Variants in JADE3 observed in about 807,000 individuals in gnomAD.
JADE3 encodes the protein jade family PHD finger 3, also known as protein Jade-3.
In JADE3, 2 loss-of-function variants were observed where a neutral mutation model predicts 50.1. The ratio of observed to expected loss-of-function variants is 0.04; its 90% CI spans 0.02 to 0.13. The LOEUF is 0.13. Among genes scored for constraint, JADE3 ranks in the 10% least tolerant of loss-of-function variants. The pLI is 1.00. For synonymous variants in JADE3, 218 were observed against 232.9 expected (o/e 0.94, Z 0.58); for missense variants, 475 against 634.4 (o/e 0.75, Z 2.70).
chrX:47,050,836 C>T (rs973967280), intron 8 of JADE3, among the ~76,000 whole-genome samples: 4 of 111,899 alleles, frequency 3.6e-5, no homozygotes, highest in Non-Finnish European at 7.5e-5. Context: ...AGTTATTAAA[C>T]AGCAAAAGAG....
intron 1 of JADE3, among the ~76,000 whole-genome samples, chrX:46,943,666 A>C (rs990841616): frequency 2.2e-4 from 24 of 111,487 alleles, no homozygotes; most frequent in African/African-American, 7.8e-4. Context: ...ATTTTGGCCT[A>C]TAGTTTTCTT....
intron 1 of JADE3, among the ~76,000 whole-genome samples, chrX:46,957,596 C>T (rs782094930): frequency 1.3e-4 from 15 of 112,042 alleles, no homozygotes; most frequent in African/African-American, 4.9e-4. Context: ...TTCCCCTGGC[C>T]GGTAGAGATG....
intron 3 of JADE3, among the ~76,000 whole-genome samples, chrX:46,989,758 A>G (rs1177438780): frequency 9.0e-6 from 1 of 111,247 alleles, no homozygotes; most frequent in African/African-American, 3.3e-5. Context: ...AGTTTGGGAA[A>G]TTTTCAGCCA....
intron 1 of JADE3, among the ~76,000 whole-genome samples, chrX:46,969,837 A>G (rs1375836478): frequency 8.9e-6 from 1 of 112,168 alleles, no homozygotes; most frequent in Admixed American, 9.4e-5. Flanking sequence ...CTCAAAAAGA[A>G]AAACTTGTGG....
intron 8 of JADE3, among the ~76,000 whole-genome samples, chrX:47,048,356 A>G (rs2146987414): frequency 8.9e-6 from 1 of 112,031 alleles, no homozygotes; most frequent in Admixed American, 9.5e-5. Context: ...ACAATACCCA[A>G]GAGAAACAAA....
rs185689322 is a variant in JADE3 at position 46,932,756 on chromosome X, C to A, written c.-12+20037C>A. ...GTCTTCACAGGAATAATTTTGGATACCTCTGCAGGTACTCAAGAACACTGC... is the reference window on the plus strand; with the variant it reads ...GTCTTCACAGGAATAATTTTGGATAACTCTGCAGGTACTCAAGAACACTGC... On this transcript the variant is annotated intron_variant, in intron 1 of 10. Transcript: ENST00000614628. Among the ~76,000 whole-genome samples the A allele has an allele frequency of 4.2e-3, 470 of 111,503 alleles. 3 individuals carry two copies. The highest frequency in any genetic ancestry group is 7.1e-3 in the Non-Finnish European group (375 of 53,111).
chrX:47,011,376 T>A (rs1928561326), intron 4 of JADE3, among the ~76,000 whole-genome samples: 1 of 112,564 alleles, frequency 8.9e-6, no homozygotes, highest in African/African-American at 3.2e-5. Flanking sequence ...ATTTTGTTAA[T>A]CCTTTCAGCA....
At position 46,933,119 on chromosome X, in the gene JADE3, G is replaced by A. The variant is rs143389128; in HGVS notation, c.-12+20400G>A. Among the ~76,000 whole-genome samples the A allele has an allele frequency of 5.3e-3, 594 of 111,688 alleles. 1 individual carries two copies. The highest frequency in any genetic ancestry group is 0.018 in the African/African-American group (557 of 30,724). ...CTTTTCCTTTTCATACTACTGAACA[G>A]CATAATCAAATCAACAAATTCAGCT... On this transcript the variant is annotated intron_variant, in intron 1 of 10. Transcript: ENST00000614628.
chrX:47,024,128 TC>T (rs1928856391), intron 4 of JADE3, among the ~76,000 whole-genome samples: 1 of 112,074 alleles, frequency 8.9e-6, no homozygotes, highest in Non-Finnish European at 1.9e-5. Context: ...CAGGTTGGTT[TC>T]CTCTTCTAAA....
intron 7 of JADE3, among the ~76,000 whole-genome samples, chrX:47,037,944 C>A (rs189623829): frequency 1.8e-5 from 2 of 111,328 alleles, no homozygotes; most frequent in East Asian, 2.8e-4. Flanking sequence ...CTGTTCCCCC[C>A]ACTACCCTTC....
At chrX:46,920,104 A>C (rs1926189036) in intron 1 of JADE3, among the ~76,000 whole-genome samples, 2 of 111,516 alleles carry the variant, frequency 1.8e-5, no homozygotes, top group African/African-American at 6.5e-5. Flanking sequence ...AATTTTAAGC[A>C]ATGTGAATAT....
intron 4 of JADE3, among the ~76,000 whole-genome samples, chrX:47,017,632 T>C (rs1556363201): frequency 1.8e-5 from 2 of 112,236 alleles, no homozygotes; most frequent in Middle Eastern, 4.6e-3. Flanking sequence ...CTTATACACA[T>C]GCATATATGT....
chrX:46,968,689 G>A (rs1927418420), intron 1 of JADE3, among the ~76,000 whole-genome samples: 2 of 109,984 alleles, frequency 1.8e-5, no homozygotes, highest in South Asian at 4.0e-4. Context: ...AAATTACCAG[G>A]GACTAAAAGA....
At chrX:47,001,346 A>T (rs1416222763) in intron 4 of JADE3, among the ~76,000 whole-genome samples, 1 of 111,883 alleles carries the variant, frequency 8.9e-6, no homozygotes, top group Non-Finnish European at 1.9e-5. Context: ...ACAACTCCTG[A>T]CATGATACTG....
chrX:46,964,515 T>G (rs1389295877), intron 1 of JADE3, among the ~76,000 whole-genome samples: 1 of 111,959 alleles, frequency 8.9e-6, no homozygotes, highest in African/African-American at 3.2e-5. Flanking sequence ...AGATGCCAGA[T>G]GAGTGAAGAC....
chrX:46,965,544 A>G (rs1197601012), intron 1 of JADE3, among the ~76,000 whole-genome samples: 1 of 111,551 alleles, frequency 9.0e-6, no homozygotes, highest in African/African-American at 3.3e-5. Context: ...ACTGCTGTTG[A>G]TTGTCAAAGT....
intron 1 of JADE3, among the ~76,000 whole-genome samples, chrX:46,923,393 C>CTTTTTTTTTTTTTTTTTTTTTTTT (rs782555482): frequency 1.7e-4 from 2 of 11,522 alleles, no homozygotes; most frequent in Non-Finnish European, 4.0e-4. Flanking sequence ...CTCTCTCTCT[C>CTTTTTTTTTTTTTTTTTTTTTTTT]TTTTTTTTTT....
Position 47,058,506 on chromosome X carries a change from A to C in JADE3, c.1901A>C (p.Gln634Pro). ...CCGTCCTCGGAGTGCTATCATGGGC[A>C]GTCACTGGGAAAGCCTCTGGTCCTT... is the stretch of plus-strand genomic sequence containing the variant. ...RTPSSECYHG[Q>P]SLGKPLVLQA... Residue 634 changes from glutamine to proline, a missense_variant, in exon 11 of 11, where the codon CAG becomes CCG. Coordinates refer to ENST00000614628, the MANE Select transcript of JADE3 (RefSeq NM_014735.5). 8.3e-7 allele frequency: 1 copy of C among 1,211,604 alleles called. No individual in the cohort carries two copies. The highest frequency in any genetic ancestry group is 1.1e-6 in the Non-Finnish European group (1 of 895,273).
At chrX:46,915,042 A>G (rs1156614784) in intron 1 of JADE3, among the ~76,000 whole-genome samples, 1 of 111,895 alleles carries the variant, frequency 8.9e-6, no homozygotes, top group African/African-American at 3.3e-5. Context: ...CTTGTGTTCC[A>G]CCAACCATAA....
Sources: gnomAD v4.1 joint callset for allele counts (sites outside exome capture counted in the v4.1 genomes callset) on GRCh38, gnomAD v4.1.1 for gene constraint, MANE v1.5 for transcripts, NCBI Gene and HGNC (gene_info 2026-07-23, HGNC 2026-07-21) for gene names.